The following FSTL4 variants were observed in gnomAD, a reference collection of about 807,000 sequenced individuals.
FSTL4 encodes follistatin-related protein 4.
In FSTL4, 28 loss-of-function variants were observed where a neutral mutation model predicts 78.2. That is an observed-to-expected ratio of 0.36 (90% CI 0.27 to 0.49). The LOEUF (loss-of-function observed/expected upper bound fraction) is 0.49, where lower values mean the gene tolerates loss of function less well. Among genes scored for constraint, FSTL4 ranks in the 20% least tolerant of loss-of-function variants. The pLI, the probability that FSTL4 is intolerant of heterozygous loss-of-function variation, is 0.98. For synonymous variants in FSTL4, 422 were observed against 440.5 expected (o/e 0.96, Z 0.53); for missense variants, 922 against 1,084.9 (o/e 0.85, Z 2.11).
chr5:133,464,698 C>T (rs1211228656), intron 3 of FSTL4, among the ~76,000 whole-genome samples: 3 of 152,236 alleles, frequency 2.0e-5, no homozygotes, highest in Non-Finnish European at 2.9e-5. Flanking sequence ...AACTTGGTCC[C>T]TGGACCTGGA....
chr5:133,643,317 C>T, the FSTL4 span, among the ~76,000 whole-genome samples: 9,874 of 152,150 alleles, frequency 0.065, 429 homozygotes, highest in South Asian at 0.11. Context: ...TGAAATTTTG[C>T]AATAAGCAAG....
the FSTL4 span, among the ~76,000 whole-genome samples, chr5:133,746,818 T>C: frequency 1.3e-5 from 2 of 152,176 alleles, no homozygotes; most frequent in Admixed American, 6.5e-5. Context: ...AATCTAACCA[T>C]TGAAAATAAC....
intron 3 of FSTL4, among the ~76,000 whole-genome samples, chr5:133,463,084 C>A (rs926440425): frequency 2.0e-5 from 3 of 152,208 alleles, no homozygotes; most frequent in African/African-American, 7.2e-5. Context: ...ATGCATGAAG[C>A]ACCAGCAAGC....
At chr5:133,383,454 C>T (rs956815009) in intron 4 of FSTL4, among the ~76,000 whole-genome samples, 2 of 152,190 alleles carry the variant, frequency 1.3e-5, no homozygotes, top group African/African-American at 4.8e-5. Flanking sequence ...TTTCCTGGGT[C>T]AGGCAAAGGT....
chr5:133,506,402 T>C (rs574731429), intron 3 of FSTL4, among the ~76,000 whole-genome samples: 5 of 152,242 alleles, frequency 3.3e-5, no homozygotes, highest in South Asian at 2.1e-4. Context: ...GAGTTGATTC[T>C]ATCAACTTGT....
At chr5:133,550,517 A>G (rs779163084) in intron 3 of FSTL4, among the ~76,000 whole-genome samples, 8 of 152,198 alleles carry the variant, frequency 5.3e-5, no homozygotes, top group African/African-American at 9.7e-5. Flanking sequence ...AATAGCTAAC[A>G]ATGATGGCTA....
chr5:133,535,188 C>G (rs1759328119), intron 3 of FSTL4, among the ~76,000 whole-genome samples: 1 of 152,200 alleles, frequency 6.6e-6, no homozygotes, highest in African/African-American at 2.4e-5. Context: ...AGAAATCAAG[C>G]TGGTCAGCAT....
At chr5:133,767,148 C>T in the FSTL4 span, among the ~76,000 whole-genome samples, 3 of 152,288 alleles carry the variant, frequency 2.0e-5, no homozygotes, top group South Asian at 6.2e-4. Flanking sequence ...CAGAGTTAAC[C>T]TGATTGGGGA....
chr5:133,347,138 T>C (rs1483095537), intron 4 of FSTL4, among the ~76,000 whole-genome samples: 6 of 152,192 alleles, frequency 3.9e-5, no homozygotes, highest in Admixed American at 6.5e-5. Context: ...CGATCCCCGT[T>C]TGTCTGCTGC....
In FSTL4 at chr5:133,505,464, C is replaced by A. The variant is rs148861155; in HGVS notation, c.160+61722G>T. Among the ~76,000 whole-genome samples, 1,448 of 152,242 alleles carry A rather than the reference C, an allele frequency of 9.5e-3. 15 individuals carry two copies. The highest frequency in any genetic ancestry group is 0.016 in the Non-Finnish European group (1,082 of 68,008). On this transcript the variant is annotated intron_variant, in intron 3 of 15. Coordinates refer to ENST00000265342, the MANE Select transcript of FSTL4 (RefSeq NM_015082.2). ...TCTGTGTCCCAGAAGGTGCCTGCCC[C>A]AGTAGGTGCCGAAGACAAGATTCTC...
At chr5:133,728,031 A>T in the FSTL4 span, among the ~76,000 whole-genome samples, 1 of 152,244 alleles carries the variant, frequency 6.6e-6, no homozygotes, top group Non-Finnish European at 1.5e-5. Flanking sequence ...AAAAGGGGCC[A>T]AGATGACAGT....
intron 3 of FSTL4, among the ~76,000 whole-genome samples, chr5:133,551,104 A>G (rs1402879760): frequency 6.6e-6 from 1 of 152,190 alleles, no homozygotes; most frequent in Admixed American, 6.5e-5. Flanking sequence ...TGGGATTCAT[A>G]TAAGTTCTTT....
At chr5:133,231,979 G>T (rs571578969) in intron 8 of FSTL4, among the ~76,000 whole-genome samples, 1 of 152,366 alleles carries the variant, frequency 6.6e-6, no homozygotes, top group African/African-American at 2.4e-5. Flanking sequence ...AGTCACGAAA[G>T]TAGCATGCGG....
chr5:133,404,624 C>G (rs765792518), intron 3 of FSTL4, among the ~76,000 whole-genome samples: 2 of 152,138 alleles, frequency 1.3e-5, no homozygotes, highest in Non-Finnish European at 2.9e-5. Flanking sequence ...TAAGGATTTT[C>G]AATAAGAATG....
At chr5:133,260,065 G>A (rs1305672016) in intron 6 of FSTL4, among the ~76,000 whole-genome samples, 1 of 152,208 alleles carries the variant, frequency 6.6e-6, no homozygotes, top group East Asian at 1.9e-4. Flanking sequence ...TGGCATTCTT[G>A]TTACTAAAAA....
chr5:133,666,579 TAA>T, the FSTL4 span, among the ~76,000 whole-genome samples: 6 of 140,886 alleles, frequency 4.3e-5, no homozygotes, highest in Admixed American at 7.0e-5. Flanking sequence ...GTTCTCTGTT[TAA>T]AAAAAAAAAA....
At chr5:133,325,874 G>A (rs1186567470) in intron 4 of FSTL4, among the ~76,000 whole-genome samples, 2 of 152,160 alleles carry the variant, frequency 1.3e-5, no homozygotes, top group African/African-American at 4.8e-5. Context: ...AGCAACACTG[G>A]TTCCCACACT....
intron 14 of FSTL4, among the ~76,000 whole-genome samples, chr5:133,204,278 G>A (rs6596111): frequency 0.34 from 50,863 of 151,798 alleles, 8,772 homozygotes; most frequent in Middle Eastern, 0.44. Flanking sequence ...GGTGCTGAGG[G>A]CGGCTTTGGT....
intron 3 of FSTL4, among the ~76,000 whole-genome samples, chr5:133,560,002 T>C (rs891557754): frequency 6.6e-6 from 1 of 152,210 alleles, no homozygotes; most frequent in African/African-American, 2.4e-5. Context: ...AAGTCAGCCC[T>C]GGGACATGCC....
Sources: allele counts gnomAD v4.1 joint callset (sites outside exome capture counted in the v4.1 genomes callset), GRCh38; gene constraint gnomAD v4.1.1; transcripts MANE v1.5; gene names NCBI Gene and HGNC (gene_info 2026-07-23, HGNC 2026-07-21).